Variants in MANBA observed in about 807,000 individuals in gnomAD.
The protein encoded by MANBA is mannosidase beta.
MANBA carries 83 observed loss-of-function variants against 111.1 expected under a neutral mutation model. That is an observed-to-expected ratio of 0.75 (90% CI 0.63 to 0.90). The LOEUF is 0.90. MANBA is among the 40% of genes least tolerant of loss of function. MANBA has a pLI of 0.00. For missense variants in MANBA, 1,036 were observed against 1,069.0 expected, an observed-to-expected ratio of 0.97 and a Z score of 0.43; for synonymous variants, 370 against 378.7, an observed-to-expected ratio of 0.98 and a Z score of 0.27.
intron 8 of MANBA, among the ~76,000 whole-genome samples, chr4:102,672,440 A>C (rs1473895667): frequency 1.3e-5 from 2 of 152,174 alleles, no homozygotes; most frequent in African/African-American, 4.8e-5. Flanking sequence ...TCTTGGAAAA[A>C]CATTTTTTTT....
intron 5 of MANBA, among the ~76,000 whole-genome samples, chr4:102,697,113 A>C (rs1180133429): frequency 2.0e-5 from 3 of 152,222 alleles, no homozygotes; most frequent in Non-Finnish European, 4.4e-5. Context: ...AACAAGGATA[A>C]GTTAGTAAGC....
rs186114596 is a variant in MANBA, at chr4:102,705,356, C to A, written c.673+9082G>T. Among the ~76,000 whole-genome samples, 342 of 152,342 alleles carry A rather than the reference C, an allele frequency of 2.2e-3. 2 individuals are homozygous for A. Among genetic ancestry groups the A allele is most frequent in the African/African-American group, 7.8e-3 (325 of 41,572 alleles). ...TAAAGCAAGGCACCATTTTGAGAGTCTAGCCCCGAATGGACTGCAGGCTGA... is the reference window on the plus strand; with the variant it reads ...TAAAGCAAGGCACCATTTTGAGAGTATAGCCCCGAATGGACTGCAGGCTGA... On this transcript the variant is annotated intron_variant, in intron 5 of 16. Coordinates refer to ENST00000647097, the MANE Select transcript of MANBA (RefSeq NM_005908.4).
chr4:102,650,843 T>C, intron 12 of MANBA, 142 bp from the exon 13 acceptor site: 3 of 689,496 alleles, frequency 4.4e-6, no homozygotes, highest in Non-Finnish European at 7.6e-6. Flanking sequence ...TTCATAAATG[T>C]TTTACCATCC....
At position 102,645,297 on chromosome 4, in the gene MANBA, A is replaced by G. The variant is rs200190720; in HGVS notation, c.1869+5240T>C. 1.6e-4 allele frequency among the ~76,000 whole-genome samples: 25 copies of G among 152,140 alleles called. No individual in the cohort carries two copies. In the East Asian group the frequency reaches 3.1e-3, roughly 19 times the overall value. On this transcript the variant is annotated intron_variant, in intron 13 of 16. Transcript: ENST00000647097. ...TGAGGATTTTTTTCTGTCTACATTC[A>G]CAAATGATATGAGTCTGTAGGTTGC...
chr4:102,663,769 A>C (rs1731075190), intron 11 of MANBA, among the ~76,000 whole-genome samples: 1 of 152,226 alleles, frequency 6.6e-6, no homozygotes, highest in Non-Finnish European at 1.5e-5. Flanking sequence ...CAGATTATTA[A>C]ATCACATGTT....
At chr4:102,729,684 G>A (rs1274381047) in intron 1 of MANBA, 18 of 1,549,566 alleles carry the variant, frequency 1.2e-5, no homozygotes, top group East Asian at 6.7e-5. Context: ...GCCAAGCTCC[G>A]CCTCCAGCTT....
intron 5 of MANBA, among the ~76,000 whole-genome samples, chr4:102,712,765 G>A (rs1226146063): frequency 6.6e-6 from 1 of 152,014 alleles, no homozygotes; most frequent in Non-Finnish European, 1.5e-5. Flanking sequence ...TTAGGCTCAG[G>A]GAATCCACCC....
chr4:102,688,846 G>A (rs1426373713), intron 7 of MANBA, among the ~76,000 whole-genome samples: 2 of 152,166 alleles, frequency 1.3e-5, no homozygotes, highest in African/African-American at 4.8e-5. Flanking sequence ...AAGAATGTCA[G>A]AGGAAATAAA....
intron 8 of MANBA, among the ~76,000 whole-genome samples, chr4:102,673,440 G>A (rs751296049): frequency 1.3e-5 from 2 of 151,676 alleles, no homozygotes; most frequent in Non-Finnish European, 2.9e-5. Context: ...CCTGGGAGGC[G>A]GAGGTTGCAG....
Position 102,727,221 on chromosome 4 carries a change from C to G in MANBA, c.178-538G>C, listed in dbSNP as rs114107911. The stretch of plus-strand genomic sequence containing the variant: ...TGTGTGGGCACTTTCCTGGAAGATG[C>G]TAAATGATAGGAAAATCTGGGTTTC... On this transcript the variant is annotated intron_variant, in intron 1 of 16. Coordinates refer to ENST00000647097, the MANE Select transcript of MANBA (RefSeq NM_005908.4). The G allele has an allele frequency of 6.4e-3, 2,745 of 429,286 alleles. 53 individuals are homozygous for G. Among genetic ancestry groups the G allele is most frequent in the African/African-American group, 0.041 (2,041 of 49,526 alleles). 26.6% of individuals were successfully genotyped at this position (429,286 alleles called of 1,614,324 possible).
At chr4:102,740,376 C>T (rs1027721974) in intron 1 of MANBA, among the ~76,000 whole-genome samples, 5 of 152,104 alleles carry the variant, frequency 3.3e-5, no homozygotes, top group African/African-American at 1.2e-4. Context: ...CTGCCAAAAG[C>T]AATCTACAAA....
chr4:102,745,607 G>C (rs1578957047), intron 1 of MANBA, among the ~76,000 whole-genome samples: 1 of 152,162 alleles, frequency 6.6e-6, no homozygotes, highest in African/African-American at 2.4e-5. Flanking sequence ...GGCATTTCCA[G>C]CTTGCTCACA....
At chr4:102,698,668 G>C (rs1578913665) in intron 5 of MANBA, among the ~76,000 whole-genome samples, 1 of 151,934 alleles carries the variant, frequency 6.6e-6, no homozygotes, top group Non-Finnish European at 1.5e-5. Flanking sequence ...GATAGTTGTA[G>C]ATATACAGCG....
At chr4:102,691,853 G>A (rs563678654) in intron 5 of MANBA, among the ~76,000 whole-genome samples, 1 of 152,272 alleles carries the variant, frequency 6.6e-6, no homozygotes, top group South Asian at 2.1e-4. Flanking sequence ...AGACCAGAAG[G>A]ATGCCTCAGC....
At chr4:102,721,566 A>G (rs1364830401) in intron 4 of MANBA, among the ~76,000 whole-genome samples, 2 of 152,222 alleles carry the variant, frequency 1.3e-5, no homozygotes, top group African/African-American at 2.4e-5. Context: ...TGGTATATGC[A>G]TAGAATGGTA....
chr4:102,703,876 A>C (rs1003068311), intron 5 of MANBA, among the ~76,000 whole-genome samples: 2 of 152,156 alleles, frequency 1.3e-5, no homozygotes, highest in African/African-American at 4.8e-5. Context: ...CGGGTGGATC[A>C]CAAGGTCAGG....
chr4:102,717,429 T>A (rs1722386210), intron 4 of MANBA, among the ~76,000 whole-genome samples: 3 of 151,316 alleles, frequency 2.0e-5, no homozygotes, highest in African/African-American at 7.3e-5. Context: ...AGGAACTTTT[T>A]TTTTTTTTTT....
chr4:102,732,701 C>T (rs1723073613), intron 1 of MANBA, among the ~76,000 whole-genome samples: 1 of 152,202 alleles, frequency 6.6e-6, no homozygotes, highest in Non-Finnish European at 1.5e-5. Flanking sequence ...ATGCCGTGTG[C>T]CAAGCCCAGC....
chr4:102,732,823 C>T (rs549654216), intron 1 of MANBA, among the ~76,000 whole-genome samples: 11 of 152,256 alleles, frequency 7.2e-5, no homozygotes, highest in African/African-American at 2.6e-4. Flanking sequence ...ATGTCATTCC[C>T]CCAAGACCTA....
Sources: gnomAD v4.1 joint callset for allele counts (sites outside exome capture counted in the v4.1 genomes callset) on GRCh38, gnomAD v4.1.1 for gene constraint, MANE v1.5 for transcripts, NCBI Gene and HGNC (gene_info 2026-07-23, HGNC 2026-07-21) for gene names.